Variants in SLC9A6 observed in about 807,000 individuals in gnomAD.
SLC9A6 encodes solute carrier family 9 member A6.
In SLC9A6, 6 loss-of-function variants were observed where a neutral mutation model predicts 45.3. The observed-to-expected ratio is 0.13, with a 90% CI of 0.07 to 0.26. The LOEUF is 0.26. Among genes scored for constraint, SLC9A6 ranks in the 10% least tolerant of loss-of-function variants. The pLI is 1.00. For synonymous variants in SLC9A6, 191 were observed against 187.7 expected (o/e 1.02, Z -0.14); for missense variants, 278 against 503.7 (o/e 0.55, Z 4.29).
chrX:135,985,559 C>A, intron 1 of SLC9A6, 44 bp from the exon 2 acceptor site: 1 of 1,193,474 alleles, frequency 8.4e-7, no homozygotes. Flanking sequence ...GCAGCAGTCC[C>A]CGAGCCCGCA....
upstream of SLC9A6, chrX:135,973,851 G>A (rs1556612929): frequency 8.6e-7 from 1 of 1,160,952 alleles, no homozygotes; most frequent in Admixed American, 2.6e-5. Context: ...AGGAATGCCG[G>A]GAAGAAGCAG....
chrX:136,012,569 T>C (rs1390377494), intron 8 of SLC9A6, among the ~76,000 whole-genome samples: 1 of 112,927 alleles, frequency 8.9e-6, no homozygotes, highest in Non-Finnish European at 1.9e-5. Context: ...ATTATGTATT[T>C]TTATAAATGT....
chrX:135,979,370 A>T (rs781813000), intron 1 of SLC9A6, among the ~76,000 whole-genome samples: 2 of 111,638 alleles, frequency 1.8e-5, no homozygotes, highest in Non-Finnish European at 3.8e-5. Flanking sequence ...TCAAAAATCC[A>T]TCACTGGTCC....
intron 3 of SLC9A6, among the ~76,000 whole-genome samples, chrX:135,997,201 C>T (rs1258337866): frequency 9.1e-6 from 1 of 110,046 alleles, no homozygotes; most frequent in Non-Finnish European, 1.9e-5. Context: ...GGATTACAGG[C>T]ATGCACCACC....
At chrX:135,996,863 T>C (rs1443585786) in intron 3 of SLC9A6, among the ~76,000 whole-genome samples, 6 of 106,982 alleles carry the variant, frequency 5.6e-5, no homozygotes, top group Non-Finnish European at 7.7e-5. Flanking sequence ...GCCTCCTGGG[T>C]TCACGCCGTT....
chrX:136,040,252 G>A (rs1298750761), intron 17 of SLC9A6, 71 bp downstream of exon 17: 2 of 777,383 alleles, frequency 2.6e-6, no homozygotes, highest in Non-Finnish European at 3.8e-6. Flanking sequence ...TGAGTCACTG[G>A]TTTTATTTTA....
At chrX:136,039,107 A>C (rs1361653847) in intron 16 of SLC9A6, among the ~76,000 whole-genome samples, 1 of 110,459 alleles carries the variant, frequency 9.1e-6, no homozygotes, top group African/African-American at 3.3e-5. Context: ...CATGCCTGTA[A>C]ACCCAACACT....
At chrX:135,974,435 T>A (rs1489331554), upstream of SLC9A6, among the ~76,000 whole-genome samples, 44 of 18,962 alleles carry the variant, frequency 2.3e-3, 1 homozygote, top group South Asian at 6.2e-3. Flanking sequence ...GGGGAGGAGG[T>A]GGGACCGAGG....
intron 7 of SLC9A6, among the ~76,000 whole-genome samples, chrX:136,004,269 A>G (rs1490312167): frequency 9.3e-6 from 1 of 107,874 alleles, no homozygotes; most frequent in Non-Finnish European, 1.9e-5. Flanking sequence ...TTGTATATTT[A>G]GTAAAGACGG....
At chrX:136,020,981 T>A (rs2071117391) in intron 11 of SLC9A6, among the ~76,000 whole-genome samples, 1 of 110,132 alleles carries the variant, frequency 9.1e-6, no homozygotes, top group Non-Finnish European at 1.9e-5. Flanking sequence ...TGGTTCCTTT[T>A]ATTGGAGAAT....
intron 3 of SLC9A6, among the ~76,000 whole-genome samples, chrX:135,996,988 G>T (rs375277278): frequency 2.7e-5 from 3 of 110,580 alleles, no homozygotes; most frequent in Admixed American, 9.6e-5. Flanking sequence ...GGATGGTCTC[G>T]ATCTCCTGAC....
chrX:135,988,456 T>TTTTC (rs1235040133), intron 2 of SLC9A6, among the ~76,000 whole-genome samples: 10 of 107,384 alleles, frequency 9.3e-5, no homozygotes, highest in Non-Finnish European at 1.3e-4. Flanking sequence ...TTTCTCTCTC[T>TTTTC]TTTCTTTCTT....
At chrX:136,000,752 C>T (rs1000367102) in intron 6 of SLC9A6, among the ~76,000 whole-genome samples, 5 of 112,014 alleles carry the variant, frequency 4.5e-5, no homozygotes, top group Non-Finnish European at 7.5e-5. Context: ...TTGCTCTACT[C>T]TCCTTCTCCC....
chrX:135,985,311 T>G, upstream of SLC9A6: 1 of 298,516 alleles, frequency 3.3e-6, no homozygotes, highest in East Asian at 5.2e-5. Flanking sequence ...TGTGGGTGCG[T>G]GTGACCTGGG....
At chrX:136,004,826 A>G (rs1384673125) in intron 7 of SLC9A6, among the ~76,000 whole-genome samples, 7 of 112,276 alleles carry the variant, frequency 6.2e-5, no homozygotes, top group Non-Finnish European at 1.1e-4. Flanking sequence ...AGCACCTTCA[A>G]TGATGATAGG....
chrX:135,997,945 AAGT>A (rs782505628), intron 3 of SLC9A6, among the ~76,000 whole-genome samples, 160 bp from the exon 4 acceptor site: 12 of 112,060 alleles, frequency 1.1e-4, no homozygotes, highest in Non-Finnish European at 1.3e-4. Flanking sequence ...TTTGGTTGAG[AAGT>A]AGAATAGAAA....
At position 136,010,105 on chromosome X, in the gene SLC9A6, C is replaced by T. The variant is rs2070890623; in HGVS notation, c.744-337C>T. 3.3e-5 allele frequency: 8 copies of T among 240,450 alleles called. No individual in the cohort carries two copies. The South Asian group carries it at 6.1e-4, about 18-fold the overall frequency. The allele number at this position is 240,450 out of a possible 1,213,427, so 19.8% of individuals were successfully genotyped here. ...GTTCACATTAGTATGTTAAGGCTTT[C>T]GGACACTCAGTACTAGTAATTCTGA... is the stretch of plus-strand genomic sequence containing the variant. On this transcript the variant is annotated intron_variant, in intron 7 of 17. Coordinates refer to ENST00000630721, the MANE Select transcript of SLC9A6 (RefSeq NM_001379110.1).
At chrX:136,005,636 T>A (rs2089645716) in intron 7 of SLC9A6, among the ~76,000 whole-genome samples, 1 of 103,647 alleles carries the variant, frequency 9.6e-6, no homozygotes, top group Non-Finnish European at 2.0e-5. Context: ...ACCTGAGATC[T>A]CGGCACTGCC....
chrX:135,983,919 G>A (rs1450070496), upstream of SLC9A6: 4 of 110,704 alleles, frequency 3.6e-5, no homozygotes, highest in Non-Finnish European at 5.7e-5. Flanking sequence ...GTGGAGTCAG[G>A]GTATAGGGGA....
Sources: allele counts gnomAD v4.1 joint callset (sites outside exome capture counted in the v4.1 genomes callset), GRCh38; gene constraint gnomAD v4.1.1; transcripts MANE v1.5; gene names NCBI Gene and HGNC (gene_info 2026-07-23, HGNC 2026-07-21).